TTC7B: variants seen among roughly 807,000 people sequenced by gnomAD.
TTC7B encodes tetratricopeptide repeat domain 7B, also known as tetratricopeptide repeat protein 7B.
In TTC7B, 28 loss-of-function variants were observed where a neutral mutation model predicts 106.8. That is an observed-to-expected ratio of 0.26 (90% CI 0.19 to 0.36). The LOEUF (loss-of-function observed/expected upper bound fraction) is 0.36. Among genes scored for constraint, TTC7B ranks in the 10% least tolerant of loss-of-function variants. The probability of loss-of-function intolerance (pLI) is 1.00; values close to 1 mark genes in which losing one functional copy is unlikely to be tolerated. For missense variants in TTC7B, 862 were observed against 1,076.4 expected, an observed-to-expected ratio of 0.80 and a Z score of 2.79; for synonymous variants, 405 against 430.6, an observed-to-expected ratio of 0.94 and a Z score of 0.74.
intron 16 of TTC7B, among the ~76,000 whole-genome samples, chr14:90,615,530 C>T (rs1299178323): frequency 6.6e-6 from 1 of 152,216 alleles, no homozygotes; most frequent in African/African-American, 2.4e-5. Flanking sequence ...GGCGCTTGTT[C>T]ATGTAGTTCC....
intron 15 of TTC7B, among the ~76,000 whole-genome samples, chr14:90,629,442 A>G (rs542081228): frequency 1.3e-5 from 2 of 152,348 alleles, no homozygotes; most frequent in African/African-American, 2.4e-5. Context: ...CAGAGTAGAA[A>G]TCAAAATGGA....
chr14:90,564,352 A>G (rs1454962629), intron 19 of TTC7B, among the ~76,000 whole-genome samples: 1 of 152,174 alleles, frequency 6.6e-6, no homozygotes, highest in Non-Finnish European at 1.5e-5. Context: ...CATGCTTTAA[A>G]CAGGTGTGCC....
chr14:90,605,128 T>C (rs1202224446), intron 17 of TTC7B, among the ~76,000 whole-genome samples: 1 of 152,208 alleles, frequency 6.6e-6, no homozygotes, highest in Non-Finnish European at 1.5e-5. Flanking sequence ...TGTGTGGTTT[T>C]AACGCATGGT....
chr14:90,785,436 CCA>C (rs1374932144), intron 2 of TTC7B, among the ~76,000 whole-genome samples: 2 of 152,068 alleles, frequency 1.3e-5, no homozygotes, highest in Non-Finnish European at 2.9e-5. Context: ...ATGGAGCGGG[CCA>C]CAGACAGCCA....
At position 90,714,129 on chromosome 14, in the gene TTC7B, C is replaced by G. The variant is rs142397017; in HGVS notation, c.698+15946G>C. Among the ~76,000 whole-genome samples, 751 of 152,020 alleles carry G rather than the reference C, an allele frequency of 4.9e-3. 6 individuals carry two copies. The highest frequency in any genetic ancestry group is 0.017 in the African/African-American group (696 of 41,472). On this transcript the variant is annotated intron_variant, in intron 5 of 19. Coordinates refer to ENST00000328459, the MANE Select transcript of TTC7B (RefSeq NM_001010854.2). ...CCTATAATCCCAGCTACTTGGGAGG[C>G]TGAAGCAGGAGAATCACTTGAATCC...
At chr14:90,669,375 A>G (rs958299652) in intron 9 of TTC7B, among the ~76,000 whole-genome samples, 4 of 152,214 alleles carry the variant, frequency 2.6e-5, no homozygotes, top group African/African-American at 9.6e-5. Context: ...CTTAATCAAG[A>G]TTTAAAACTT....
intron 2 of TTC7B, among the ~76,000 whole-genome samples, chr14:90,781,297 G>C (rs941593211): frequency 3.3e-5 from 5 of 152,204 alleles, no homozygotes; most frequent in Admixed American, 3.3e-4. Context: ...GGCTAGGAAT[G>C]GGAGGTGGCT....
chr14:90,650,250 C>T (rs1885657844), intron 13 of TTC7B, among the ~76,000 whole-genome samples: 1 of 152,204 alleles, frequency 6.6e-6, no homozygotes, highest in African/African-American at 2.4e-5. Flanking sequence ...AAGCCAGAAC[C>T]TTGCTGCCTT....
At chr14:90,602,128 C>T (rs1173150335) in intron 17 of TTC7B, 1 of 455,954 alleles carries the variant, frequency 2.2e-6, no homozygotes, top group Non-Finnish European at 4.4e-6. Context: ...GCTAAAGGCT[C>T]AGGTCATTCA....
intron 15 of TTC7B, among the ~76,000 whole-genome samples, chr14:90,633,704 TG>T (rs1292232239): frequency 1.3e-5 from 2 of 152,054 alleles, no homozygotes; most frequent in African/African-American, 4.8e-5. Flanking sequence ...TTTGGGCCAA[TG>T]AGGAAAATTA....
intron 18 of TTC7B, among the ~76,000 whole-genome samples, chr14:90,583,034 G>A (rs1179917625): frequency 6.6e-6 from 1 of 152,136 alleles, no homozygotes; most frequent in Non-Finnish European, 1.5e-5. Flanking sequence ...TTATGAACCT[G>A]CACTACTTGA....
In TTC7B at chr14:90,731,243, G is replaced by A. The variant is rs189302342; in HGVS notation, c.577-1047C>T. On this transcript the variant is annotated intron_variant, in intron 4 of 19. Transcript: ENST00000328459. ...TGGGATTACAGGCGTGAGCCCCTGC[G>A]CCCGGCCTGCTGCTACTCTCTTTAA... Among the ~76,000 whole-genome samples the A allele has an allele frequency of 1.4e-3, 218 of 152,204 alleles. 1 individual carries two copies. Among genetic ancestry groups the A allele is most frequent in the African/African-American group, 5.1e-3 (212 of 41,514 alleles).
At chr14:90,647,809 G>A (rs1595243230) in intron 13 of TTC7B, among the ~76,000 whole-genome samples, 1 of 152,128 alleles carries the variant, frequency 6.6e-6, no homozygotes, top group Non-Finnish European at 1.5e-5. Context: ...GTGTTTAACT[G>A]CTGGGAAGAG....
At chr14:90,794,501 T>C (rs1052560130) in intron 1 of TTC7B, among the ~76,000 whole-genome samples, 6 of 151,934 alleles carry the variant, frequency 3.9e-5, no homozygotes, top group Non-Finnish European at 8.8e-5. Flanking sequence ...GCTGGGATTA[T>C]AGGCATGAGC....
In TTC7B at chr14:90,593,522, G is replaced by T. The variant is rs754211574; in HGVS notation, c.2071C>A (p.Pro691Thr). 2 of 1,609,836 alleles carry T rather than the reference G, an allele frequency of 1.2e-6. No individual in the cohort carries two copies. The highest frequency in any genetic ancestry group is 1.7e-5 in the Admixed American group (1 of 59,638). Residue 691 changes from proline to threonine, a missense_variant, in exon 18 of 20, where the codon CCC becomes ACC. Physicochemically the swap from Pro to Thr is conservative, Grantham distance 38. Coordinates refer to ENST00000328459, the MANE Select transcript of TTC7B (RefSeq NM_001010854.2). ...CAGATCTGTGCCAGCGTCATCCAGGGGTGCAGCGGGCCCTGCTTAGGGGCA... is the reference window on the plus strand; with the variant it reads ...CAGATCTGTGCCAGCGTCATCCAGGTGTGCAGCGGGCCCTGCTTAGGGGCA... ...SSAPKQGPLH[P>T]WMTLAQIWLH...
At chr14:90,739,823 T>C (rs1425197152) in intron 4 of TTC7B, among the ~76,000 whole-genome samples, 1 of 152,202 alleles carries the variant, frequency 6.6e-6, no homozygotes, top group Non-Finnish European at 1.5e-5. Flanking sequence ...ACAGGATTAT[T>C]TCATCTGCCA....
chr14:90,799,188 G>T (rs2030086183), intron 1 of TTC7B, among the ~76,000 whole-genome samples: 1 of 152,130 alleles, frequency 6.6e-6, no homozygotes, highest in Non-Finnish European at 1.5e-5. Context: ...AGGGTGCTTG[G>T]ACATGTCATG....
Position 90,618,030 on chromosome 14 carries a change from T to G in TTC7B, c.1767A>C (p.Lys589Asn). 1 of 1,613,414 alleles carries G rather than the reference T, an allele frequency of 6.2e-7. No homozygotes were observed. The highest frequency in any genetic ancestry group is 8.5e-7 in the Non-Finnish European group (1 of 1,179,352). Residue 589 changes from lysine (K) to asparagine (N), a missense_variant, in exon 16 of 20, where the codon AAA becomes AAC. Coordinates refer to ENST00000328459, the MANE Select transcript of TTC7B (RefSeq NM_001010854.2). ...CTCGGCAGAGTGACTGCAACTTCAC[T>G]TTGGAAAACAGTAGTCTGCAGTGGG... ...YPENFILLFS[K>N]VKLQSLCRGP...
At chr14:90,660,994 C>T (rs1447395977) in intron 9 of TTC7B, among the ~76,000 whole-genome samples, 3 of 152,092 alleles carry the variant, frequency 2.0e-5, no homozygotes, top group East Asian at 1.9e-4. Context: ...AGTGGCTGGG[C>T]GAGGCCTCCA....
Sources: gnomAD v4.1 joint callset for allele counts (sites outside exome capture counted in the v4.1 genomes callset) on GRCh38, gnomAD v4.1.1 for gene constraint, MANE v1.5 for transcripts, NCBI Gene and HGNC (gene_info 2026-07-23, HGNC 2026-07-21) for gene names.